Variants in RRBP1 observed in about 807,000 individuals in gnomAD.
The protein encoded by RRBP1 is ribosome binding protein 1.
In RRBP1, 94 loss-of-function variants were observed where a neutral mutation model predicts 165.2. That is an observed-to-expected ratio of 0.57 (90% confidence interval 0.48 to 0.68). The LOEUF (loss-of-function observed/expected upper bound fraction) is 0.68. Ranked by LOEUF, RRBP1 falls within the 30% of genes least tolerant of loss-of-function variation. The probability of loss-of-function intolerance (pLI) is 0.00; values close to 1 mark genes in which losing one functional copy is unlikely to be tolerated. For missense variants in RRBP1, 1,676 were observed against 1,763.0 expected (o/e 0.95, Z 0.88); for synonymous variants, 680 against 714.5 (o/e 0.95, Z 0.77).
At chr20:17,622,079 A>G in intron 13 of RRBP1, 132 bp from the exon 14 acceptor site, 1 of 686,412 alleles carries the variant, frequency 1.5e-6, no homozygotes, top group South Asian at 1.7e-5. Context: ...GGAAGCGACA[A>G]GAATCAAAGG....
Position 17,621,861 on chromosome 20 carries a change from T to G in RRBP1, c.3234A>C (p.Ala1078=), listed in dbSNP as rs751678974. 2.5e-6 allele frequency: 4 copies of G among 1,613,546 alleles called. No homozygotes were observed. The African/African-American group carries it at 5.3e-5, about 22-fold the overall frequency. The part of the protein sequence containing the change: ...LALLPELSVL[A]QQNYTEWLQD... ...AACCACCCTCCCCTCCTACCTGTTG[T>G]GCCAAGACAGAGAGTTCTGGGAGCA... is the stretch of plus-strand genomic sequence containing the variant. Residue 1078 remains alanine, a synonymous_variant, in exon 14 of 25, where the codon GCA becomes GCC. Transcript: ENST00000377813.
chr20:17,638,780 G>A (rs192583323), intron 5 of RRBP1, among the ~76,000 whole-genome samples: 54 of 152,202 alleles, frequency 3.5e-4, no homozygotes, highest in African/African-American at 1.0e-3. Flanking sequence ...TGGCTCAGAA[G>A]TGACTCTCTG....
intron 5 of RRBP1, among the ~76,000 whole-genome samples, chr20:17,638,127 G>A (rs980156660): frequency 6.6e-6 from 1 of 152,210 alleles, no homozygotes; most frequent in African/African-American, 2.4e-5. Flanking sequence ...ACAGCTTAGC[G>A]GTGATTCCAG....
chr20:17,651,717 C>T (rs1264912296), intron 3 of RRBP1, among the ~76,000 whole-genome samples: 2 of 152,194 alleles, frequency 1.3e-5, no homozygotes, highest in Non-Finnish European at 2.9e-5. Flanking sequence ...TTTTCACCTT[C>T]CATGCCTCCA....
In RRBP1 at chr20:17,652,746, G is replaced by T. The variant is rs2036580571; in HGVS notation, c.1912+5850C>A. 2.0e-5 allele frequency among the ~76,000 whole-genome samples: 3 copies of T among 152,252 alleles called. No homozygotes were observed. In the South Asian group the frequency reaches 6.2e-4, roughly 32 times the overall value. ...GGGGCAACGAGGCACAAGGCAGCCA[G>T]TGGGGGCCGCCGCAGCCTTTCCAAC... On this transcript the variant is annotated intron_variant, in intron 3 of 24. Coordinates refer to ENST00000377813, the MANE Select transcript of RRBP1 (RefSeq NM_001365613.2).
At chr20:17,673,801 T>G (rs3790305) in intron 2 of RRBP1, among the ~76,000 whole-genome samples, 2,332 of 152,334 alleles carry the variant, frequency 0.015, 86 homozygotes, top group East Asian at 0.073. Context: ...AAGACTAACT[T>G]AGCTTCAGAG....
At position 17,627,373 on chromosome 20, in the gene RRBP1, C is replaced by G. The variant is rs752619826; in HGVS notation, c.2938G>C (p.Ala980Pro). 6.2e-7 allele frequency: 1 copy of G among 1,614,014 alleles called. No individual in the cohort carries two copies. The highest frequency in any genetic ancestry group is 1.7e-5 in the Admixed American group (1 of 60,008). The change falls in exon 11 of 25, where the codon GCG becomes CCG. Residue 980 changes from alanine (A) to proline (P), a missense_variant. Transcript: ENST00000377813. Reference sequence around the variant, plus strand: ...CGAGTCTGCTGCTGGTCAGCCTCCGCCTGGCTGGCCTGGAATGAGAGACAA... The same window carrying G: ...CGAGTCTGCTGCTGGTCAGCCTCCGGCTGGCTGGCCTGGAATGAGAGACAA... Reference protein sequence around the residue: ...RDAQDVQASQAEADQQQTRLK... With the variant: ...RDAQDVQASQPEADQQQTRLK...
At chr20:17,636,852 G>C in intron 5 of RRBP1, 123 bp from the exon 6 acceptor site, 1 of 1,238,388 alleles carries the variant, frequency 8.1e-7, no homozygotes, top group Non-Finnish European at 1.1e-6. Flanking sequence ...CCTCCTGCTG[G>C]CCGGGTTCTC....
At chr20:17,639,286 T>C (rs2036303569) in intron 5 of RRBP1, among the ~76,000 whole-genome samples, 1 of 152,248 alleles carries the variant, frequency 6.6e-6, no homozygotes, top group Non-Finnish European at 1.5e-5. Flanking sequence ...AACCCAACTC[T>C]GCTGGGACTT....
intron 3 of RRBP1, among the ~76,000 whole-genome samples, chr20:17,653,841 A>AG (rs1293163189): frequency 1.3e-5 from 2 of 151,806 alleles, no homozygotes; most frequent in East Asian, 3.9e-4. Context: ...CTCAAAAAAA[A>AG]AAAAAAAAAA....
chr20:17,628,749 A>C (rs969791177), intron 9 of RRBP1, among the ~76,000 whole-genome samples: 35 of 152,208 alleles, frequency 2.3e-4, no homozygotes, highest in African/African-American at 8.4e-4. Context: ...CTCCTGCCTC[A>C]GAGAGTCTCC....
chr20:17,661,434 C>T (rs2036764117), intron 2 of RRBP1, among the ~76,000 whole-genome samples: 2 of 152,150 alleles, frequency 1.3e-5, no homozygotes, highest in South Asian at 4.1e-4. Context: ...TCAGCAGGCC[C>T]CTCTGTCAGA....
Position 17,625,370 on chromosome 20 carries a change from G to A in RRBP1, c.3054+142C>T, listed in dbSNP as rs1478378838. The A allele has an allele frequency of 1.3e-5, 9 of 702,976 alleles. 1 individual carries two copies. The highest frequency in any genetic ancestry group is 2.4e-5 in the Admixed American group (1 of 42,168). The allele number at this position is 702,976 out of a possible 1,614,324, so 43.5% of individuals were successfully genotyped here. A position where few individuals can be genotyped will look rare whatever the true frequency, so the allele number is the denominator to read the frequency against. The stretch of plus-strand genomic sequence containing the variant: ...GAGTAGAAGCACCCCCCACACCCTG[G>A]ACCCCCACAGCACAATGGGGTGTAG... On this transcript the variant is annotated intron_variant, in intron 12 of 24. Transcript: ENST00000377813.
At chr20:17,681,082 G>T (rs1452079099) in intron 1 of RRBP1, among the ~76,000 whole-genome samples, 7 of 151,930 alleles carry the variant, frequency 4.6e-5, no homozygotes, top group African/African-American at 1.4e-4. Context: ...TCAGGGCGCA[G>T]CGGGAGAGCC....
intron 8 of RRBP1, among the ~76,000 whole-genome samples, chr20:17,630,272 T>C (rs2036123021): frequency 6.6e-6 from 1 of 152,160 alleles, no homozygotes; most frequent in Non-Finnish European, 1.5e-5. Flanking sequence ...AAGATACTGA[T>C]TCAGAGTAAA....
At chr20:17,651,593 G>A (rs1039941528) in intron 3 of RRBP1, among the ~76,000 whole-genome samples, 3 of 152,198 alleles carry the variant, frequency 2.0e-5, no homozygotes, top group Non-Finnish European at 4.4e-5. Flanking sequence ...ACAGCAGTGT[G>A]CACTGCAGCT....
intron 3 of RRBP1, among the ~76,000 whole-genome samples, chr20:17,656,771 T>C (rs529540306): frequency 6.6e-6 from 1 of 152,320 alleles, no homozygotes; most frequent in African/African-American, 2.4e-5. Context: ...TCAAGAAAGT[T>C]TGGCTGGAAT....
intron 12 of RRBP1, 112 bp from the exon 13 acceptor site, chr20:17,624,780 A>C (rs1600730756): frequency 5.4e-6 from 4 of 740,946 alleles, no homozygotes; most frequent in Non-Finnish European, 2.3e-6. Flanking sequence ...ACCCTGGCCC[A>C]CAGAGGACCT....
At chr20:17,669,238 G>T (rs1322824708) in intron 2 of RRBP1, among the ~76,000 whole-genome samples, 3 of 152,024 alleles carry the variant, frequency 2.0e-5, no homozygotes, top group African/African-American at 7.2e-5. Context: ...GCCTGAGGGG[G>T]GTAAAAAATA....
Sources: allele counts gnomAD v4.1 joint callset (sites outside exome capture counted in the v4.1 genomes callset), GRCh38; gene constraint gnomAD v4.1.1; transcripts MANE v1.5; gene names NCBI Gene and HGNC (gene_info 2026-07-23, HGNC 2026-07-21).